SPAG16: variants seen among roughly 807,000 people sequenced by gnomAD.
SPAG16 encodes the protein sperm associated antigen 16.
SPAG16 carries 86 observed loss-of-function variants against 80.4 expected under a neutral mutation model. That is an observed-to-expected ratio of 1.07 (90% CI 0.90 to 1.28). SPAG16 has a LOEUF of 1.28. SPAG16 is among the 50% of genes most tolerant of loss of function. SPAG16 has a pLI of 0.00. For synonymous variants in SPAG16, 294 were observed against 265.9 expected (o/e 1.11, Z -1.03); for missense variants, 870 against 765.3 (o/e 1.14, Z -1.61).
intron 15 of SPAG16, among the ~76,000 whole-genome samples, chr2:214,192,276 C>T (rs1007685373): frequency 1.3e-5 from 2 of 152,092 alleles, no homozygotes; most frequent in African/African-American, 4.8e-5. Flanking sequence ...TCATTTTCTC[C>T]TTCACTGCTC....
chr2:213,335,071 ATG>A (rs1359583043), intron 5 of SPAG16, among the ~76,000 whole-genome samples: 1 of 152,172 alleles, frequency 6.6e-6, no homozygotes, highest in East Asian at 1.9e-4. Flanking sequence ...TACATCTACT[ATG>A]TACCCACAAA....
chr2:213,505,161 C>T (rs1295622811), intron 10 of SPAG16, among the ~76,000 whole-genome samples: 1 of 152,020 alleles, frequency 6.6e-6, no homozygotes, highest in African/African-American at 2.4e-5. Flanking sequence ...CAACTGTGAC[C>T]TTTAATTTCA....
intron 10 of SPAG16, among the ~76,000 whole-genome samples, chr2:213,559,245 C>T (rs571676542): frequency 5.9e-5 from 9 of 152,234 alleles, no homozygotes; most frequent in East Asian, 5.8e-4. Flanking sequence ...ACATTCCAAA[C>T]GGAGTGGCAG....
chr2:214,118,458 A>T (rs2054049947), intron 14 of SPAG16, among the ~76,000 whole-genome samples: 1 of 152,200 alleles, frequency 6.6e-6, no homozygotes, highest in African/African-American at 2.4e-5. Flanking sequence ...TAATTTATAA[A>T]GGAAAGAGGT....
At chr2:213,317,398 G>T (rs1411844007) in intron 5 of SPAG16, 42 bp downstream of exon 5, 2 of 1,577,790 alleles carry the variant, frequency 1.3e-6, no homozygotes, top group East Asian at 4.5e-5. Context: ...TTTTCTTTTG[G>T]ACTAAATAAA....
intron 10 of SPAG16, among the ~76,000 whole-genome samples, chr2:213,497,872 C>A (rs537621516): frequency 6.6e-6 from 1 of 152,110 alleles, no homozygotes; most frequent in African/African-American, 2.4e-5. Flanking sequence ...CATGGACTGA[C>A]AATACATTAA....
At chr2:214,226,306 C>T (rs886867041) in intron 15 of SPAG16, among the ~76,000 whole-genome samples, 2 of 152,052 alleles carry the variant, frequency 1.3e-5, no homozygotes, top group Admixed American at 6.6e-5. Flanking sequence ...GTGAAAAATG[C>T]ACATACTTTT....
At chr2:213,373,081 G>T (rs561146615) in intron 8 of SPAG16, among the ~76,000 whole-genome samples, 78 of 152,220 alleles carry the variant, frequency 5.1e-4, no homozygotes, top group Non-Finnish European at 6.0e-4. Flanking sequence ...AGTAAAATTT[G>T]GAAAACTGCA....
At chr2:213,887,890 A>T (rs2076622723) in intron 11 of SPAG16, among the ~76,000 whole-genome samples, 1 of 151,910 alleles carries the variant, frequency 6.6e-6, no homozygotes, top group Non-Finnish European at 1.5e-5. Flanking sequence ...AGGTTGTTGC[A>T]AAGGTAATTG....
intron 15 of SPAG16, among the ~76,000 whole-genome samples, chr2:214,279,420 T>G (rs923570674): frequency 6.6e-6 from 1 of 152,104 alleles, no homozygotes; most frequent in African/African-American, 2.4e-5. Context: ...CCCAGAGAGA[T>G]GAAAAACACA....
intron 14 of SPAG16, among the ~76,000 whole-genome samples, chr2:214,111,829 G>C (rs1440738002): frequency 3.3e-5 from 5 of 152,098 alleles, no homozygotes; most frequent in Admixed American, 2.6e-4. Flanking sequence ...TCTCTTTGAA[G>C]AGGTCCTTCA....
intron 10 of SPAG16, among the ~76,000 whole-genome samples, chr2:213,605,178 T>C (rs1341569234): frequency 6.6e-6 from 1 of 152,084 alleles, no homozygotes; most frequent in Admixed American, 6.5e-5. Flanking sequence ...CAATCACACT[T>C]TATATATGTC....
chr2:213,488,201 C>G (rs2074073155), intron 9 of SPAG16, among the ~76,000 whole-genome samples: 1 of 151,976 alleles, frequency 6.6e-6, no homozygotes, highest in South Asian at 2.1e-4. Flanking sequence ...AAATATTATT[C>G]AAAGGAAATA....
At chr2:213,747,587 A>G (rs1241353983) in intron 10 of SPAG16, among the ~76,000 whole-genome samples, 1 of 152,208 alleles carries the variant, frequency 6.6e-6, no homozygotes, top group Admixed American at 6.5e-5. Flanking sequence ...AGATACACAA[A>G]TAGTTACCAT....
At chr2:213,677,163 A>T (rs893274147) in intron 10 of SPAG16, among the ~76,000 whole-genome samples, 1 of 152,176 alleles carries the variant, frequency 6.6e-6, no homozygotes. Flanking sequence ...CTGTAAAATC[A>T]TGCCAAAATG....
intron 10 of SPAG16, among the ~76,000 whole-genome samples, chr2:213,822,757 G>GTATT (rs2073026120): frequency 6.6e-6 from 1 of 152,084 alleles, no homozygotes; most frequent in Non-Finnish European, 1.5e-5. Context: ...GCCCTGGTGT[G>GTATT]TATTGTTCCC....
At chr2:213,747,046 T>C (rs893942987) in intron 10 of SPAG16, among the ~76,000 whole-genome samples, 1 of 152,168 alleles carries the variant, frequency 6.6e-6, no homozygotes, top group Admixed American at 6.6e-5. Flanking sequence ...ATGCATGTTA[T>C]TGCCCCCAAA....
chr2:213,469,015 C>T (rs537686529), intron 9 of SPAG16, among the ~76,000 whole-genome samples: 148 of 152,144 alleles, frequency 9.7e-4, no homozygotes, highest in African/African-American at 3.5e-3. Context: ...CCACCCAGAT[C>T]AAGGGTGGAT....
intron 12 of SPAG16, among the ~76,000 whole-genome samples, chr2:213,989,018 G>A (rs1189265431): frequency 2.6e-5 from 4 of 152,092 alleles, no homozygotes; most frequent in African/African-American, 7.2e-5. Flanking sequence ...CTAACAGGCC[G>A]GAGTTTCAAG....
Sources: allele counts gnomAD v4.1 joint callset (sites outside exome capture counted in the v4.1 genomes callset), GRCh38; gene constraint gnomAD v4.1.1; transcripts MANE v1.5; gene names NCBI Gene and HGNC (gene_info 2026-07-23, HGNC 2026-07-21).